The following ERCC6L2 variants were observed in gnomAD, a reference collection of about 807,000 sequenced individuals.
ERCC6L2 encodes DNA excision repair protein ERCC-6-like 2.
A neutral mutation model predicts 132.0 loss-of-function variants in ERCC6L2; 77 were observed. The observed-to-expected ratio is 0.58, with a 90% CI of 0.49 to 0.71. The LOEUF (loss-of-function observed/expected upper bound fraction) is 0.71, where lower values mean the gene tolerates loss of function less well. Among genes scored for constraint, ERCC6L2 ranks in the 30% least tolerant of loss-of-function variants. The pLI is 0.00. For synonymous variants in ERCC6L2, 583 were observed against 632.4 expected (o/e 0.92, Z 1.17); for missense variants, 1,542 against 1,837.6 (o/e 0.84, Z 2.94).
At chr9:95,982,110 C>T (rs1295197284) in intron 17 of ERCC6L2, among the ~76,000 whole-genome samples, 1 of 152,128 alleles carries the variant, frequency 6.6e-6, no homozygotes, top group Non-Finnish European at 1.5e-5. Context: ...AGAGAAATAA[C>T]GGGTCGCTTT....
chr9:96,002,112 C>T (rs540171759), intron 17 of ERCC6L2, among the ~76,000 whole-genome samples: 56 of 152,336 alleles, frequency 3.7e-4, no homozygotes, highest in African/African-American at 1.3e-3. Flanking sequence ...CTCCACACCT[C>T]CCTGCAAGCT....
At chr9:96,039,934 C>G (rs1288336015) in intron 20 of ERCC6L2, among the ~76,000 whole-genome samples, 2 of 151,974 alleles carry the variant, frequency 1.3e-5, no homozygotes, top group African/African-American at 4.8e-5. Flanking sequence ...AAGATGTGGT[C>G]CAGGCCGGGC....
chr9:95,899,760 A>AGGT, intron 3 of ERCC6L2, among the ~76,000 whole-genome samples: 1 of 151,798 alleles, frequency 6.6e-6, no homozygotes, highest in South Asian at 2.1e-4. Flanking sequence ...AGTCCTTGAT[A>AGGT]TAAAATAGTG....
intron 3 of ERCC6L2, 146 bp downstream of exon 3, chr9:95,898,117 T>G (rs1828564911): frequency 1.3e-6 from 1 of 749,150 alleles, no homozygotes; most frequent in Non-Finnish European, 1.9e-6. Context: ...ATTTGTTTTA[T>G]AGGCCTAATT....
In ERCC6L2 at chr9:95,893,880, G is replaced by C. The variant is rs186566265; in HGVS notation, c.472-3969G>C. Among the ~76,000 whole-genome samples, 6 of 152,100 alleles carry C rather than the reference G, an allele frequency of 3.9e-5. No individual in the cohort carries two copies. In the East Asian group the frequency reaches 1.2e-3, roughly 29 times the overall value. On this transcript the variant is annotated intron_variant, in intron 2 of 18. Transcript: ENST00000653738. ...GCTTTAGTAATTTCTGCTTTTTTGTGTTAAATTTTCTGTTATTTTCATAAG... is the reference window on the plus strand; with the variant it reads ...GCTTTAGTAATTTCTGCTTTTTTGTCTTAAATTTTCTGTTATTTTCATAAG...
At chr9:95,957,944 G>A (rs1435015306) in intron 13 of ERCC6L2, among the ~76,000 whole-genome samples, 1 of 151,110 alleles carries the variant, frequency 6.6e-6, no homozygotes, top group Non-Finnish European at 1.5e-5. Flanking sequence ...AGTTACATAT[G>A]TATACATGTG....
chr9:95,965,478 A>G (rs1462932071), intron 13 of ERCC6L2, among the ~76,000 whole-genome samples: 1 of 152,152 alleles, frequency 6.6e-6, no homozygotes, highest in Non-Finnish European at 1.5e-5. Flanking sequence ...TACAGTGCAA[A>G]TGAACTCTGA....
chr9:95,983,734 G>C (rs1170197944), intron 17 of ERCC6L2, among the ~76,000 whole-genome samples: 1 of 152,102 alleles, frequency 6.6e-6, no homozygotes, highest in East Asian at 1.9e-4. Flanking sequence ...ACAGATTAAA[G>C]GAATTACAGT....
At chr9:95,944,593 CT>C in intron 12 of ERCC6L2, among the ~76,000 whole-genome samples, 1 of 152,296 alleles carries the variant, frequency 6.6e-6, no homozygotes, top group South Asian at 2.1e-4. Flanking sequence ...CTCAACTCCA[CT>C]TTGAAAAACA....
At chr9:96,003,362 T>C (rs1833754492) in intron 17 of ERCC6L2, among the ~76,000 whole-genome samples, 1 of 152,240 alleles carries the variant, frequency 6.6e-6, no homozygotes, top group East Asian at 1.9e-4. Context: ...AAATTATTTA[T>C]GTTAATTTTC....
At chr9:95,929,125 T>G (rs895233837) in intron 11 of ERCC6L2, 16 of 250,678 alleles carry the variant, frequency 6.4e-5, no homozygotes, top group African/African-American at 3.7e-4. Flanking sequence ...CTATGAATTT[T>G]CCATGGTAGT....
intron 6 of ERCC6L2, among the ~76,000 whole-genome samples, chr9:95,917,299 A>G (rs531017611): frequency 7.2e-5 from 11 of 152,346 alleles, no homozygotes; most frequent in African/African-American, 2.4e-4. Flanking sequence ...AAAAAAATAT[A>G]GTAGTCTTCT....
chr9:95,998,641 C>T (rs1235930138), intron 17 of ERCC6L2, among the ~76,000 whole-genome samples: 5 of 152,160 alleles, frequency 3.3e-5, no homozygotes. Context: ...TTGTGGGCAG[C>T]CTCCAGGAGC....
At position 96,001,258 on chromosome 9, in the gene ERCC6L2, G is replaced by A. The variant is rs565849220; in HGVS notation, c.3493-3262G>A. Among the ~76,000 whole-genome samples the A allele has an allele frequency of 1.4e-3, 220 of 152,300 alleles. 1 individual carries two copies. Among genetic ancestry groups the A allele is most frequent in the Admixed American group, 2.8e-3 (43 of 15,300 alleles). On this transcript the variant is annotated intron_variant, in intron 17 of 18. Coordinates refer to ENST00000653738, the MANE Select transcript of ERCC6L2 (RefSeq NM_020207.7). ...TCTTCCACAGTGTGGAAGGGGACCC[G>A]AGCGGGTTGCCAATGCTGGCTCGGG...
chr9:95,931,923 C>T (rs1830357192), intron 11 of ERCC6L2, among the ~76,000 whole-genome samples: 1 of 151,228 alleles, frequency 6.6e-6, no homozygotes, highest in African/African-American at 2.4e-5. Context: ...TTTCTCTGCT[C>T]CCTCCCTCTG....
In ERCC6L2 at chr9:96,015,555, G is replaced by A. The variant is rs1834167631; in HGVS notation, c.*2352G>A. Among the ~76,000 whole-genome samples the A allele has an allele frequency of 6.6e-6, 1 of 151,752 alleles. No individual in the cohort carries two copies. Among genetic ancestry groups the A allele is most frequent in the South Asian group, 2.1e-4 (1 of 4,828 alleles). ...TCACGCCTGTAATCCCAGCACTTTG[G>A]GAGGCCGAGGCAGGCGGATCACAAG... On this transcript the variant is annotated 3_prime_UTR_variant, in exon 19 of 19. Transcript: ENST00000653738.
At chr9:95,973,179 C>T (rs764278101) in intron 16 of ERCC6L2, 91 bp downstream of exon 16, 29 of 898,068 alleles carry the variant, frequency 3.2e-5, no homozygotes, top group Non-Finnish European at 4.4e-5. Context: ...TGTAAAACAG[C>T]CCTAAAATCA....
chr9:95,945,241 C>T (rs868633642), intron 12 of ERCC6L2, among the ~76,000 whole-genome samples: 23 of 152,180 alleles, frequency 1.5e-4, no homozygotes, highest in Admixed American at 9.2e-4. Flanking sequence ...AAGAATTCAG[C>T]GATATTTCTC....
At chr9:96,020,233 C>A (rs1340359972), downstream of ERCC6L2, 1 of 160,404 alleles carries the variant, frequency 6.2e-6, no homozygotes, top group Non-Finnish European at 1.4e-5. Flanking sequence ...CAGGAAACCA[C>A]CTCCATGATT....
Sources: allele counts gnomAD v4.1 joint callset (sites outside exome capture counted in the v4.1 genomes callset), GRCh38; gene constraint gnomAD v4.1.1; transcripts MANE v1.5; gene names NCBI Gene and HGNC (gene_info 2026-07-23, HGNC 2026-07-21).